The following TMEM132B variants were observed in gnomAD, a reference collection of about 807,000 sequenced individuals.
TMEM132B encodes transmembrane protein 132B.
TMEM132B carries 18 observed loss-of-function variants against 90.8 expected under a neutral mutation model. The ratio of observed to expected loss-of-function variants is 0.20; its 90% CI spans 0.14 to 0.29. TMEM132B has a LOEUF of 0.29. TMEM132B is among the 10% of genes least tolerant of loss of function. The pLI is 1.00. For missense variants in TMEM132B, 1,096 were observed against 1,326.8 expected (o/e 0.83, Z 2.70); for synonymous variants, 504 against 523.3 (o/e 0.96, Z 0.50).
At chr12:125,503,107 T>G (rs1245242707) in intron 3 of TMEM132B, among the ~76,000 whole-genome samples, 1 of 152,212 alleles carries the variant, frequency 6.6e-6, no homozygotes, top group Non-Finnish European at 1.5e-5. Flanking sequence ...AATTATTGCC[T>G]TAAGACGGAG....
intron 3 of TMEM132B, among the ~76,000 whole-genome samples, chr12:125,478,928 C>CA (rs1255183943): frequency 6.6e-6 from 1 of 152,188 alleles, no homozygotes; most frequent in Non-Finnish European, 1.5e-5. Context: ...AGAAACCCTA[C>CA]AAGCCAGAAG....
At chr12:125,369,128 T>G (rs943862562) in intron 2 of TMEM132B, among the ~76,000 whole-genome samples, 2 of 152,102 alleles carry the variant, frequency 1.3e-5, no homozygotes, top group Non-Finnish European at 2.9e-5. Flanking sequence ...GGTGTTTGGT[T>G]TTCTGTACTT....
intron 3 of TMEM132B, among the ~76,000 whole-genome samples, chr12:125,503,806 A>G (rs143505627): frequency 2.0e-5 from 3 of 152,348 alleles, no homozygotes; most frequent in African/African-American, 7.2e-5. Flanking sequence ...CTCAGGCCCA[A>G]ATTAGTTTCT....
intron 3 of TMEM132B, among the ~76,000 whole-genome samples, chr12:125,509,644 G>A (rs781584581): frequency 2.0e-5 from 3 of 152,110 alleles, no homozygotes; most frequent in Non-Finnish European, 2.9e-5. Flanking sequence ...TGGGAGTCTC[G>A]GGAGGTAGCA....
chr12:125,373,401 C>A (rs1180388198), intron 2 of TMEM132B, among the ~76,000 whole-genome samples: 1 of 152,122 alleles, frequency 6.6e-6, no homozygotes, highest in Non-Finnish European at 1.5e-5. Context: ...TTAGGGTGGG[C>A]TTTAATCCGA....
intron 1 of TMEM132B, among the ~76,000 whole-genome samples, chr12:125,274,792 T>C (rs1308733605): frequency 1.3e-5 from 2 of 151,886 alleles, no homozygotes; most frequent in Non-Finnish European, 2.9e-5. Context: ...CCGTCTCTGA[T>C]AACTTAAATG....
intron 1 of TMEM132B, among the ~76,000 whole-genome samples, chr12:125,332,423 T>G (rs2136206458): frequency 6.6e-6 from 1 of 152,052 alleles, no homozygotes; most frequent in East Asian, 1.9e-4. Flanking sequence ...TTATTCTTCA[T>G]CAATTTTTTT....
intron 3 of TMEM132B, among the ~76,000 whole-genome samples, chr12:125,514,593 A>G (rs1883060437): frequency 6.6e-6 from 1 of 152,252 alleles, no homozygotes; most frequent in Non-Finnish European, 1.5e-5. Flanking sequence ...CATGTGGGGA[A>G]AGTGTTACCA....
At position 125,238,366 on chromosome 12, in the gene TMEM132B, C is replaced by CAAAAAAAAA. The variant is rs762032967; in HGVS notation, c.67+51502_67+51510dup. 2.0e-3 allele frequency among the ~76,000 whole-genome samples: 226 copies of CAAAAAAAAA among 111,334 alleles called. 1 individual carries two copies. Among genetic ancestry groups the CAAAAAAAAA allele is most frequent in the South Asian group, 2.7e-3 (9 of 3,374 alleles). 73.0% of individuals were successfully genotyped at this position (111,334 alleles called of 152,430 possible). On this transcript the variant is annotated intron_variant, in intron 1 of 8. Coordinates refer to ENST00000682704, the MANE Select transcript of TMEM132B (RefSeq NM_001366854.1). Reference sequence around the variant, plus strand: ...AGACTCCGTCTCAAAAAAAAAAAACCAAAAAAAAAACAAAAAAAAACCAAA... The same window carrying CAAAAAAAAA: ...AGACTCCGTCTCAAAAAAAAAAAACCAAAAAAAAAAAAAAAAAAACAAAAAAAAACCAAA...
At chr12:125,628,096 T>G (rs1354423004) in intron 5 of TMEM132B, among the ~76,000 whole-genome samples, 1 of 152,212 alleles carries the variant, frequency 6.6e-6, no homozygotes, top group Non-Finnish European at 1.5e-5. Context: ...TTGTCAACAG[T>G]GCTGCAACAA....
At chr12:125,534,496 G>A (rs888699222) in intron 4 of TMEM132B, among the ~76,000 whole-genome samples, 2 of 152,120 alleles carry the variant, frequency 1.3e-5, no homozygotes, top group South Asian at 2.1e-4. Context: ...CAGCTTGGGT[G>A]ACAAAGCAAG....
chr12:125,462,834 G>A (rs1423470980), intron 3 of TMEM132B, among the ~76,000 whole-genome samples: 1 of 152,148 alleles, frequency 6.6e-6, no homozygotes, highest in Non-Finnish European at 1.5e-5. Flanking sequence ...TGAACTTTTG[G>A]TCGTGCTCTA....
intron 5 of TMEM132B, among the ~76,000 whole-genome samples, chr12:125,602,142 C>G (rs1490397437): frequency 6.6e-6 from 1 of 152,176 alleles, no homozygotes; most frequent in Non-Finnish European, 1.5e-5. Context: ...ATACCCAAAC[C>G]TGGCAGAGAC....
At chr12:125,589,206 G>A (rs1885248186) in intron 5 of TMEM132B, among the ~76,000 whole-genome samples, 1 of 152,158 alleles carries the variant, frequency 6.6e-6, no homozygotes, top group Non-Finnish European at 1.5e-5. Flanking sequence ...CCTGAGGCCG[G>A]GCACGGTGGC....
chr12:125,347,927 A>G (rs1877414450), intron 1 of TMEM132B, among the ~76,000 whole-genome samples: 1 of 152,240 alleles, frequency 6.6e-6, no homozygotes, highest in Non-Finnish European at 1.5e-5. Flanking sequence ...AATTAACAAA[A>G]TAATACATGG....
At chr12:125,248,440 CA>C (rs748439155) in intron 1 of TMEM132B, among the ~76,000 whole-genome samples, 40 of 152,198 alleles carry the variant, frequency 2.6e-4, no homozygotes, top group Middle Eastern at 3.4e-3. Context: ...GATAGGTTAC[CA>C]GGGGGCATCA....
At chr12:125,552,919 T>C (rs1884271820) in intron 4 of TMEM132B, among the ~76,000 whole-genome samples, 1 of 152,260 alleles carries the variant, frequency 6.6e-6, no homozygotes, top group African/African-American at 2.4e-5. Context: ...GATCAGCTTC[T>C]GTTCTCATTG....
intron 3 of TMEM132B, among the ~76,000 whole-genome samples, chr12:125,453,788 C>CCCTGCCATTTTGTAGGGG: frequency 1.3e-5 from 2 of 152,260 alleles, no homozygotes; most frequent in South Asian, 2.1e-4. Flanking sequence ...GCTTATTAAA[C>CCCTGCCATTTTGTAGGGG]CCTGCCATTT....
At chr12:125,554,365 C>G (rs1884314933) in intron 4 of TMEM132B, among the ~76,000 whole-genome samples, 1 of 132,468 alleles carries the variant, frequency 7.5e-6, no homozygotes, top group African/African-American at 2.8e-5. Context: ...GTGGAGCTTA[C>G]AGTGAGCCGA....
Sources: gnomAD v4.1 joint callset for allele counts (sites outside exome capture counted in the v4.1 genomes callset) on GRCh38, gnomAD v4.1.1 for gene constraint, MANE v1.5 for transcripts, NCBI Gene and HGNC (gene_info 2026-07-23, HGNC 2026-07-21) for gene names.